The following FAM120C variants were observed in gnomAD, a reference collection of about 807,000 sequenced individuals.
FAM120C encodes family with sequence similarity 120 member C, also known as constitutive coactivator of PPAR-gamma-like protein 2.
In FAM120C, 14 loss-of-function variants were observed where a neutral mutation model predicts 71.2. That is an observed-to-expected ratio of 0.20 (90% CI 0.13 to 0.31). The LOEUF (loss-of-function observed/expected upper bound fraction) is 0.31, where lower values mean the gene tolerates loss of function less well. Among genes scored for constraint, FAM120C ranks in the 10% least tolerant of loss-of-function variants. The pLI is 1.00. For synonymous variants in FAM120C, 354 were observed against 353.2 expected, an observed-to-expected ratio of 1.00 and a Z score of -0.03; for missense variants, 500 against 879.0, an observed-to-expected ratio of 0.57 and a Z score of 5.45.
chrX:54,182,797 C>G lies in FAM120C; in HGVS notation c.402G>C (p.Gln134His). ...SALPRLYGGY[Q>H]TDWVCGGQWN... Reference sequence around the variant, plus strand: ...ATTGGCCGCCACACACCCAATCCGTCTGGTAGCCGCCATAGAGCCGCGGCA... The same window carrying G: ...ATTGGCCGCCACACACCCAATCCGTGTGGTAGCCGCCATAGAGCCGCGGCA... Residue 134 changes from glutamine (Q) to histidine (H), a missense_variant, in exon 1 of 16, where the codon CAG (glutamine) becomes CAC (histidine). By Grantham distance (24) the Gln-to-His change is conservative. Coordinates refer to ENST00000375180, the MANE Select transcript of FAM120C (RefSeq NM_017848.6). The G allele has an allele frequency of 8.3e-7, 1 of 1,201,204 alleles. No homozygotes were observed. The highest frequency in any genetic ancestry group is 1.8e-5 in the South Asian group (1 of 55,742).
intron 5 of FAM120C, 86 bp downstream of exon 5, chrX:54,136,405 G>T: frequency 1.6e-6 from 1 of 623,498 alleles, no homozygotes; most frequent in Non-Finnish European, 2.7e-6. Flanking sequence ...ACGAATGAGT[G>T]ATTCCACTCT....
chrX:54,107,502 A>G (rs1053888694), intron 10 of FAM120C, among the ~76,000 whole-genome samples: 2 of 108,858 alleles, frequency 1.8e-5, no homozygotes, highest in Non-Finnish European at 3.8e-5. Context: ...GGAAGAATAA[A>G]TCTTTATCAT....
chrX:54,092,754 T>G (rs782196480), intron 10 of FAM120C, among the ~76,000 whole-genome samples: 1 of 111,961 alleles, frequency 8.9e-6, no homozygotes, highest in Admixed American at 9.6e-5. Context: ...TTTCTTTTTT[T>G]GGATTTATAG....
chrX:54,071,995 TAC>T lies in FAM120C; in HGVS notation c.*1036_*1037del, dbSNP rs1569531141. 1 of 103,558 alleles carries T rather than the reference TAC, an allele frequency of 9.7e-6. No homozygotes were observed. Among genetic ancestry groups the T allele is most frequent in the African/African-American group, 3.5e-5 (1 of 28,405 alleles). 8.5% of individuals were successfully genotyped at this position (103,558 alleles called of 1,213,427 possible). On this transcript the variant is annotated 3_prime_UTR_variant, in exon 16 of 16. Coordinates refer to ENST00000375180, the MANE Select transcript of FAM120C (RefSeq NM_017848.6). ...GTGTATATATGTGTGTATATATATA[TAC>T]ACACATATATACACACATACACACA...
At chrX:54,143,543 C>T (rs1325225009) in intron 4 of FAM120C, among the ~76,000 whole-genome samples, 4 of 112,488 alleles carry the variant, frequency 3.6e-5, no homozygotes, top group Non-Finnish European at 7.5e-5. Flanking sequence ...AACACCTCTA[C>T]GCAAATAAAC....
intron 1 of FAM120C, among the ~76,000 whole-genome samples, chrX:54,170,693 A>G (rs1250301746): frequency 8.9e-6 from 1 of 111,742 alleles, no homozygotes; most frequent in African/African-American, 3.3e-5. Context: ...TAAAATGGAG[A>G]TTTACTTAAT....
intron 4 of FAM120C, 44 bp from the exon 5 acceptor site, chrX:54,136,634 G>C (rs782063079): frequency 1.1e-6 from 1 of 897,018 alleles, no homozygotes. Context: ...AAACATGAGA[G>C]TGTTTTTTTA....
At chrX:54,077,548 G>A in intron 15 of FAM120C, among the ~76,000 whole-genome samples, 1 of 110,744 alleles carries the variant, frequency 9.0e-6, no homozygotes. Flanking sequence ...TGGGTGTGGT[G>A]GCTCACACAT....
chrX:54,181,205 A>G (rs1557137347), intron 1 of FAM120C, among the ~76,000 whole-genome samples: 1 of 110,445 alleles, frequency 9.1e-6, no homozygotes, highest in Admixed American at 9.6e-5. Context: ...TTAGTCTCTG[A>G]GCTAAAATTT....
intron 10 of FAM120C, among the ~76,000 whole-genome samples, chrX:54,092,497 A>G (rs782629364): frequency 1.6e-4 from 18 of 110,500 alleles, no homozygotes; most frequent in Admixed American, 3.9e-4. Flanking sequence ...GTGAGCTGAG[A>G]TTATGCCACA....
intron 1 of FAM120C, among the ~76,000 whole-genome samples, chrX:54,169,474 T>TA (rs781977631): frequency 7.4e-4 from 83 of 111,736 alleles, no homozygotes; most frequent in Admixed American, 1.2e-3. Flanking sequence ...GCCTGGACCA[T>TA]AAAAAGAGTG....
rs1253774725 is a variant in FAM120C, at chrX:54,073,220, C to T, written c.3104G>A (p.Gly1035Glu). The change falls in exon 16 of 16, where the codon GGA becomes GAA. Residue 1035 changes from glycine (G) to glutamate (E), a missense_variant. Transcript: ENST00000375180. ...TTCCTTGATCAATGCGCCACTGTTT[C>T]CATTTACCTGGGAGCGAGACCGACC... is the stretch of plus-strand genomic sequence containing the variant. ...HQGRSRSQVN[G>E]NSGALIKEEK... 1.7e-6 allele frequency: 2 copies of T among 1,210,361 alleles called. No individual in the cohort carries two copies. Among genetic ancestry groups the T allele is most frequent in the Non-Finnish European group, 2.2e-6 (2 of 894,695 alleles).
Position 54,112,066 on chromosome X carries a change from G to A in FAM120C, c.2312+4479C>T, listed in dbSNP as rs781880142. On this transcript the variant is annotated intron_variant, in intron 10 of 15. Transcript: ENST00000375180. ...CTTTTTAATGGTATTGGGATAGCTGGTTAGCTACATGCAGAAGCATGAAAC... is the reference window on the plus strand; with the variant it reads ...CTTTTTAATGGTATTGGGATAGCTGATTAGCTACATGCAGAAGCATGAAAC... Among the ~76,000 whole-genome samples the A allele has an allele frequency of 3.6e-5, 4 of 112,069 alleles. No individual in the cohort carries two copies. In the South Asian group the frequency reaches 1.5e-3, roughly 41 times the overall value.
chrX:54,163,938 A>T (rs112932954), intron 1 of FAM120C, among the ~76,000 whole-genome samples: 6,357 of 99,604 alleles, frequency 0.064, 160 homozygotes, highest in African/African-American at 0.087. Context: ...ATATATATAT[A>T]TTTTTTTTTT....
intron 10 of FAM120C, among the ~76,000 whole-genome samples, chrX:54,111,918 A>G (rs781911287): frequency 8.9e-6 from 1 of 112,508 alleles, no homozygotes; most frequent in Non-Finnish European, 1.9e-5. Flanking sequence ...AGAGCATGGT[A>G]GTGGCATAAA....
At chrX:54,127,953 G>A (rs2067037047) in intron 9 of FAM120C, among the ~76,000 whole-genome samples, 1 of 110,572 alleles carries the variant, frequency 9.0e-6, no homozygotes, top group African/African-American at 3.3e-5. Context: ...GTAGTGGGAT[G>A]GCTAGATTGA....
In FAM120C at chrX:54,105,168, T is replaced by C. The variant is rs113402823; in HGVS notation, c.2312+11377A>G. On this transcript the variant is annotated intron_variant, in intron 10 of 15. Coordinates refer to ENST00000375180, the MANE Select transcript of FAM120C (RefSeq NM_017848.6). The stretch of plus-strand genomic sequence containing the variant: ...GATGCGAAAATCGTCAAGAAAATAC[T>C]GGCAAACCGAATCCAGCAGCACATC... Among the ~76,000 whole-genome samples, 1,001 of 111,832 alleles carry C rather than the reference T, an allele frequency of 9.0e-3. 9 individuals carry two copies. The highest frequency in any genetic ancestry group is 0.032 in the African/African-American group (975 of 30,790).
chrX:54,148,815 A>C (rs2067170370), intron 4 of FAM120C, among the ~76,000 whole-genome samples: 2 of 112,245 alleles, frequency 1.8e-5, no homozygotes, highest in African/African-American at 6.5e-5. Context: ...CTAAAAGAGT[A>C]GATTTTAAAT....
intron 4 of FAM120C, among the ~76,000 whole-genome samples, chrX:54,138,805 C>T (rs1300340270): frequency 2.7e-5 from 3 of 112,160 alleles, no homozygotes; most frequent in East Asian, 2.8e-4. Flanking sequence ...GGCGACAGAG[C>T]GAGACTGTCT....
Sources: gnomAD v4.1 joint callset for allele counts (sites outside exome capture counted in the v4.1 genomes callset) on GRCh38, gnomAD v4.1.1 for gene constraint, MANE v1.5 for transcripts, NCBI Gene and HGNC (gene_info 2026-07-23, HGNC 2026-07-21) for gene names.